Variants in SEPTIN6 observed in about 807,000 individuals in gnomAD.
SEPTIN6 encodes septin 6.
In SEPTIN6, 8 loss-of-function variants were observed where a neutral mutation model predicts 33.6. The ratio of observed to expected loss-of-function variants is 0.24; its 90% CI spans 0.14 to 0.43. SEPTIN6 has a LOEUF of 0.43. Ranked by LOEUF, SEPTIN6 falls within the 20% of genes least tolerant of loss-of-function variation. The probability of loss-of-function intolerance (pLI) is 1.00; values close to 1 mark genes in which losing one functional copy is unlikely to be tolerated. For missense variants in SEPTIN6, 250 were observed against 340.8 expected, an observed-to-expected ratio of 0.73 and a Z score of 2.10; for synonymous variants, 131 against 140.0, an observed-to-expected ratio of 0.94 and a Z score of 0.45.
chrX:119,687,450 C>T (rs1049496934), intron 1 of SEPTIN6, among the ~76,000 whole-genome samples: 1 of 110,529 alleles, frequency 9.0e-6, no homozygotes, highest in African/African-American at 3.3e-5. Context: ...GGGGTTTCAC[C>T]GTGTTAGCCA....
chrX:119,629,200 A>T (rs1411906555), intron 9 of SEPTIN6, 118 bp downstream of exon 9: 1 of 677,112 alleles, frequency 1.5e-6, no homozygotes, highest in African/African-American at 2.2e-5. Flanking sequence ...AACCAGTCTG[A>T]CAGCCCACAG....
intron 5 of SEPTIN6, among the ~76,000 whole-genome samples, chrX:119,645,215 A>G (rs2054230940): frequency 3.0e-5 from 3 of 99,559 alleles, no homozygotes; most frequent in Admixed American, 2.2e-4. Flanking sequence ...GCCAGGCCCA[A>G]TCAATTCCTA....
At chrX:119,624,672 C>A (rs938889191) in intron 10 of SEPTIN6, among the ~76,000 whole-genome samples, 3 of 111,307 alleles carry the variant, frequency 2.7e-5, no homozygotes, top group African/African-American at 9.8e-5. Context: ...CAGTTTCTCT[C>A]ATCACCACGG....
intron 10 of SEPTIN6, chrX:119,623,932 G>T (rs2053812089): frequency 6.0e-6 from 1 of 166,232 alleles, no homozygotes; most frequent in Non-Finnish European, 1.2e-5. Context: ...TCTAGTAGAG[G>T]AGATAGAAGG....
At chrX:119,625,900 T>C (rs1452041328) in intron 9 of SEPTIN6, among the ~76,000 whole-genome samples, 2 of 111,418 alleles carry the variant, frequency 1.8e-5, no homozygotes, top group Non-Finnish European at 3.8e-5. Context: ...TCTGAATATG[T>C]GACTCTTAGA....
chrX:119,662,201 G>A (rs896374412), intron 3 of SEPTIN6, among the ~76,000 whole-genome samples: 1 of 111,689 alleles, frequency 9.0e-6, no homozygotes, highest in East Asian at 2.8e-4. Flanking sequence ...TTTTACATGT[G>A]TCCATGGTTG....
chrX:119,659,263 A>G (rs1217810838), intron 3 of SEPTIN6, among the ~76,000 whole-genome samples: 1 of 111,650 alleles, frequency 9.0e-6, no homozygotes, highest in African/African-American at 3.3e-5. Context: ...CTAAATTTCC[A>G]TATGAGCAGG....
intron 10 of SEPTIN6, 105 bp from the exon 11 acceptor site, chrX:119,620,156 A>C (rs1166771270): frequency 3.2e-6 from 2 of 623,149 alleles, no homozygotes; most frequent in Non-Finnish European, 5.1e-6. Flanking sequence ...TGGCTAAATT[A>C]GAATATAGCT....
chrX:119,692,472 C>G lies in SEPTIN6; in HGVS notation c.30+604G>C, dbSNP rs372328835. Among the ~76,000 whole-genome samples, 704 of 111,756 alleles carry G rather than the reference C, an allele frequency of 6.3e-3. 9 individuals are homozygous for G. The highest frequency in any genetic ancestry group is 0.021 in the African/African-American group (651 of 30,827). ...ACAGACAGAACCCCGGCGCCGCCGCCGCCCGCCCGGGAAGACACGAGCGCG... is the reference window on the plus strand; with the variant it reads ...ACAGACAGAACCCCGGCGCCGCCGCGGCCCGCCCGGGAAGACACGAGCGCG... On this transcript the variant is annotated intron_variant, in intron 1 of 10. Transcript: ENST00000394610.
At chrX:119,671,608 T>TA (rs1048667222) in intron 2 of SEPTIN6, among the ~76,000 whole-genome samples, 5 of 106,962 alleles carry the variant, frequency 4.7e-5, no homozygotes, top group Non-Finnish European at 7.7e-5. Context: ...TAATTTTAAT[T>TA]AAAAAAAAAT....
intron 2 of SEPTIN6, among the ~76,000 whole-genome samples, chrX:119,669,382 A>AT (rs1159064980): frequency 8.9e-6 from 1 of 112,657 alleles, no homozygotes; most frequent in African/African-American, 3.2e-5. Flanking sequence ...CCAGTTCTGA[A>AT]TGTTGAACCC....
At chrX:119,657,200 C>A (rs1173735192) in intron 3 of SEPTIN6, among the ~76,000 whole-genome samples, 1 of 101,927 alleles carries the variant, frequency 9.8e-6, no homozygotes, top group African/African-American at 3.7e-5. Flanking sequence ...GCCTGGGCAA[C>A]GGAGTGAGAT....
chrX:119,663,454 CCCT>C, intron 3 of SEPTIN6, 25 bp downstream of exon 3: 4 of 729,619 alleles, frequency 5.5e-6, no homozygotes, highest in Non-Finnish European at 6.2e-6. Flanking sequence ...AACCTCCCCA[CCCT>C]ACCCCACCCC....
At chrX:119,620,912 G>A (rs2053747736) in intron 10 of SEPTIN6, among the ~76,000 whole-genome samples, 1 of 110,750 alleles carries the variant, frequency 9.0e-6, no homozygotes, top group Non-Finnish European at 1.9e-5. Flanking sequence ...GTGAGGCACT[G>A]AGCCCGGCCT....
chrX:119,661,353 C>G (rs758566984), intron 3 of SEPTIN6, among the ~76,000 whole-genome samples: 1 of 110,791 alleles, frequency 9.0e-6, no homozygotes, highest in South Asian at 3.7e-4. Context: ...ATGGCGTGAA[C>G]CCAGGAGGCG....
At chrX:119,620,319 CTTTTT>C (rs11374271) in intron 10 of SEPTIN6, among the ~76,000 whole-genome samples, 1 of 95,881 alleles carries the variant, frequency 1.0e-5, no homozygotes. Context: ...ATCTTTCTTT[CTTTTT>C]TTTTTTTTTT....
chrX:119,633,153 GTA>G (rs1346090192), intron 8 of SEPTIN6, among the ~76,000 whole-genome samples: 1 of 112,129 alleles, frequency 8.9e-6, no homozygotes, highest in African/African-American at 3.2e-5. Context: ...ATGTGTGTGT[GTA>G]TCTTTATAAT....
chrX:119,638,073 G>A (rs2054098965), intron 6 of SEPTIN6, among the ~76,000 whole-genome samples: 1 of 111,870 alleles, frequency 8.9e-6, no homozygotes, highest in African/African-American at 3.2e-5. Context: ...AGGCAATGTA[G>A]GGGAGGTGAC....
At chrX:119,692,875 C>G (rs867078667) in intron 1 of SEPTIN6, among the ~76,000 whole-genome samples, 2,124 of 112,705 alleles carry the variant, frequency 0.019, 49 homozygotes, top group African/African-American at 0.064. Context: ...CCCTGCCGCC[C>G]CCCGCCCCCC....
Sources: allele counts gnomAD v4.1 joint callset (sites outside exome capture counted in the v4.1 genomes callset), GRCh38; gene constraint gnomAD v4.1.1; transcripts MANE v1.5; gene names NCBI Gene and HGNC (gene_info 2026-07-23, HGNC 2026-07-21).